Variants in CLASP1 observed in about 807,000 individuals in gnomAD.
CLASP1 encodes cytoplasmic linker associated protein 1, also known as CLIP-associating protein 1.
In CLASP1, 38 loss-of-function variants were observed where a neutral mutation model predicts 192.3. That is an observed-to-expected ratio of 0.20 (90% CI 0.15 to 0.26). The LOEUF (loss-of-function observed/expected upper bound fraction) is 0.26. CLASP1 is among the 10% of genes least tolerant of loss of function. CLASP1 has a pLI of 1.00. For synonymous variants in CLASP1, 691 were observed against 712.8 expected, an observed-to-expected ratio of 0.97 and a Z score of 0.49; for missense variants, 1,433 against 1,932.5, an observed-to-expected ratio of 0.74 and a Z score of 4.85.
intron 8 of CLASP1, among the ~76,000 whole-genome samples, chr2:121,488,932 A>G (rs1489552348): frequency 6.6e-6 from 1 of 152,232 alleles, no homozygotes; most frequent in African/African-American, 2.4e-5. Flanking sequence ...AAAATATATC[A>G]AGTGAAAGAA....
chr2:121,450,575 GGT>G (rs936016014), intron 16 of CLASP1, among the ~76,000 whole-genome samples: 3 of 152,096 alleles, frequency 2.0e-5, no homozygotes, highest in African/African-American at 7.2e-5. Context: ...GATTTTTCAT[GGT>G]AAATCATTAA....
chr2:121,619,825 C>G (rs1254862588), intron 1 of CLASP1, among the ~76,000 whole-genome samples: 1 of 152,132 alleles, frequency 6.6e-6, no homozygotes, highest in African/African-American at 2.4e-5. Context: ...CTCCTTGAAA[C>G]TCCCTCAAAG....
chr2:121,350,110 T>A (rs890134137), intron 37 of CLASP1, among the ~76,000 whole-genome samples: 1 of 152,204 alleles, frequency 6.6e-6, no homozygotes, highest in African/African-American at 2.4e-5. Context: ...ACAACAGAAC[T>A]CGAATACTTT....
At chr2:121,358,612 G>A (rs2065830933) in intron 37 of CLASP1, among the ~76,000 whole-genome samples, 1 of 152,158 alleles carries the variant, frequency 6.6e-6, no homozygotes, top group Non-Finnish European at 1.5e-5. Flanking sequence ...ATGCTGGCTG[G>A]GCGAATCAGA....
At chr2:121,414,376 C>T (rs2078211047) in intron 23 of CLASP1, among the ~76,000 whole-genome samples, 173 bp from the exon 24 acceptor site, 1 of 152,176 alleles carries the variant, frequency 6.6e-6, no homozygotes, top group Admixed American at 6.5e-5. Context: ...CCAAACTTCA[C>T]AGTGGCCAGC....
At chr2:121,611,349 G>A (rs1471103501) in intron 1 of CLASP1, among the ~76,000 whole-genome samples, 5 of 135,728 alleles carry the variant, frequency 3.7e-5, no homozygotes, top group South Asian at 2.5e-4. Flanking sequence ...AGGAGGAAGA[G>A]GAACTGGAGG....
At chr2:121,560,942 C>T (rs1327754292) in intron 2 of CLASP1, among the ~76,000 whole-genome samples, 1 of 152,066 alleles carries the variant, frequency 6.6e-6, no homozygotes, top group Non-Finnish European at 1.5e-5. Context: ...TGTTTTGAGA[C>T]GGAGCCCAGG....
chr2:121,605,311 T>G (rs906922431), intron 2 of CLASP1, among the ~76,000 whole-genome samples: 29 of 152,168 alleles, frequency 1.9e-4, no homozygotes, highest in African/African-American at 7.0e-4. Flanking sequence ...ACCAATTCAA[T>G]CCCCCAGAGA....
At position 121,434,277 on chromosome 2, in the gene CLASP1, TAC is replaced by T. The variant is rs142253901; in HGVS notation, c.1913-4102_1913-4101del. Among the ~76,000 whole-genome samples, 968 of 152,286 alleles carry T rather than the reference TAC, an allele frequency of 6.4e-3. 12 individuals are homozygous for T. Among genetic ancestry groups the T allele is most frequent in the African/African-American group, 0.022 (922 of 41,564 alleles). Reference sequence around the variant, plus strand: ...CAAAAAAGTATTATTTTTTCTTTGATACAGAGTCTAGCTCTGCTGCCTAGGCT... The same window carrying T: ...CAAAAAAGTATTATTTTTTCTTTGATAGAGTCTAGCTCTGCTGCCTAGGCT... On this transcript the variant is annotated intron_variant, in intron 19 of 39. Transcript: ENST00000263710.
At chr2:121,494,798 A>G (rs2093460813) in intron 8 of CLASP1, among the ~76,000 whole-genome samples, 1 of 152,090 alleles carries the variant, frequency 6.6e-6, no homozygotes, top group Non-Finnish European at 1.5e-5. Flanking sequence ...AGGTGAGCGA[A>G]TCACCTGAGG....
At chr2:121,598,131 G>T (rs1390696207) in intron 2 of CLASP1, among the ~76,000 whole-genome samples, 2 of 152,188 alleles carry the variant, frequency 1.3e-5, no homozygotes, top group Admixed American at 1.3e-4. Flanking sequence ...GGATTCCCAT[G>T]GTCACTATGA....
intron 5 of CLASP1, among the ~76,000 whole-genome samples, chr2:121,526,879 GA>G (rs1244191718): frequency 6.6e-6 from 1 of 151,734 alleles, no homozygotes; most frequent in Non-Finnish European, 1.5e-5. Flanking sequence ...ATAAGCACAT[GA>G]AAAAAATGTT....
intron 7 of CLASP1, among the ~76,000 whole-genome samples, chr2:121,514,774 C>T (rs954116541): frequency 2.0e-5 from 3 of 152,204 alleles, no homozygotes; most frequent in Non-Finnish European, 4.4e-5. Flanking sequence ...CATCCCATTT[C>T]CAGATGCCCA....
chr2:121,523,726 C>T (rs1383589764), intron 6 of CLASP1, among the ~76,000 whole-genome samples: 1 of 152,174 alleles, frequency 6.6e-6, no homozygotes, highest in Non-Finnish European at 1.5e-5. Context: ...GAGGCATTTC[C>T]TTCACTTTCC....
chr2:121,632,863 T>C (rs2069987891), intron 1 of CLASP1, among the ~76,000 whole-genome samples: 1 of 150,042 alleles, frequency 6.7e-6, no homozygotes. Flanking sequence ...GCCATTGCAC[T>C]CTAGCCTGGG....
intron 1 of CLASP1, among the ~76,000 whole-genome samples, chr2:121,635,031 T>C (rs1471824550): frequency 6.6e-6 from 1 of 151,892 alleles, no homozygotes. Flanking sequence ...GAGTTTAAAC[T>C]CTTGTTAAAT....
chr2:121,448,178 G>T, intron 18 of CLASP1, 98 bp downstream of exon 18: 1 of 987,174 alleles, frequency 1.0e-6, no homozygotes, highest in Non-Finnish European at 1.6e-6. Context: ...GGAACTGAGG[G>T]CAGGCCGTTG....
chr2:121,470,026 C>T (rs1575166692), intron 8 of CLASP1, 66 bp from the exon 9 acceptor site: 1 of 1,160,920 alleles, frequency 8.6e-7, no homozygotes, highest in East Asian at 2.6e-5. Context: ...TATATATATA[C>T]TTTTTCACCT....
At chr2:121,644,329 C>T (rs1330170204) in intron 1 of CLASP1, among the ~76,000 whole-genome samples, 1 of 150,464 alleles carries the variant, frequency 6.6e-6, no homozygotes, top group Non-Finnish European at 1.5e-5. Flanking sequence ...TTGTTTCAGA[C>T]ACTGCATTTA....
Sources: allele counts gnomAD v4.1 joint callset (sites outside exome capture counted in the v4.1 genomes callset), GRCh38; gene constraint gnomAD v4.1.1; transcripts MANE v1.5; gene names NCBI Gene and HGNC (gene_info 2026-07-23, HGNC 2026-07-21).